The following ODAD2 variants were observed in gnomAD, a reference collection of about 807,000 sequenced individuals.
The protein encoded by ODAD2 is outer dynein arm docking complex subunit 2, also known as outer dynein arm-docking complex subunit 2.
In ODAD2, 89 loss-of-function variants were observed where a neutral mutation model predicts 106.8. The observed-to-expected ratio is 0.83, with a 90% CI of 0.70 to 0.99. The LOEUF (loss-of-function observed/expected upper bound fraction) is 0.99, where lower values mean the gene tolerates loss of function less well. Among genes scored for constraint, ODAD2 ranks in the 50% least tolerant of loss-of-function variants. The pLI is 0.00. For synonymous variants in ODAD2, 404 were observed against 436.2 expected (o/e 0.93, Z 0.92); for missense variants, 1,168 against 1,238.5 (o/e 0.94, Z 0.85).
chr10:27,818,919 A>G (rs1205466330), intron 19 of ODAD2, among the ~76,000 whole-genome samples: 1 of 152,176 alleles, frequency 6.6e-6, no homozygotes, highest in Non-Finnish European at 1.5e-5. Context: ...TTTTGAGGTC[A>G]CAGCATCTTG....
chr10:27,825,737 G>C (rs144474826), intron 19 of ODAD2, among the ~76,000 whole-genome samples: 1 of 152,320 alleles, frequency 6.6e-6, no homozygotes, highest in African/African-American at 2.4e-5. Flanking sequence ...GTTATCAGAA[G>C]CTGGAGATGT....
At chr10:27,951,776 T>C (rs567816280) in intron 10 of ODAD2, among the ~76,000 whole-genome samples, 2 of 150,558 alleles carry the variant, frequency 1.3e-5, no homozygotes. Context: ...TACAAAAGAG[T>C]AGACAAAAAG....
At chr10:27,969,472 A>C (rs529539142) in intron 8 of ODAD2, among the ~76,000 whole-genome samples, 1 of 152,428 alleles carries the variant, frequency 6.6e-6, no homozygotes, top group South Asian at 2.1e-4. Context: ...TGAAAGAGTA[A>C]GAATATGGAA....
At chr10:27,954,586 T>C (rs778787706) in intron 10 of ODAD2, among the ~76,000 whole-genome samples, 6 of 152,242 alleles carry the variant, frequency 3.9e-5, no homozygotes, top group Admixed American at 6.5e-5. Context: ...TTTCAGTCGT[T>C]AAGTTGATGT....
At chr10:27,907,067 C>A (rs1424088715) in intron 17 of ODAD2, among the ~76,000 whole-genome samples, 1 of 152,076 alleles carries the variant, frequency 6.6e-6, no homozygotes, top group East Asian at 1.9e-4. Context: ...TCTTAAAGGG[C>A]AATCTCTAAA....
intron 9 of ODAD2, among the ~76,000 whole-genome samples, chr10:27,965,506 C>T (rs1208416062): frequency 6.6e-6 from 1 of 152,106 alleles, no homozygotes; most frequent in Non-Finnish European, 1.5e-5. Flanking sequence ...TTCATTTGGG[C>T]TATTGCAGAG....
chr10:27,864,526 G>A (rs770956645), intron 17 of ODAD2, among the ~76,000 whole-genome samples: 6 of 146,744 alleles, frequency 4.1e-5, no homozygotes, highest in Non-Finnish European at 5.9e-5. Flanking sequence ...AGGTGAGAGC[G>A]GGGAGTGAGG....
rs1232320573 is a variant in ODAD2 at position 27,943,204 on chromosome 10, CA to C, written c.1743+1017del. Among the ~76,000 whole-genome samples, 5 of 152,124 alleles carry C rather than the reference CA, an allele frequency of 3.3e-5. No individual in the cohort carries two copies. In the East Asian group the frequency reaches 9.6e-4, roughly 29 times the overall value. The stretch of plus-strand genomic sequence containing the variant: ...TCCTAATGATGGCAAAGGTGGTAAG[CA>C]GGATTCTGGTATTTTTCTTTTGATG... On this transcript the variant is annotated intron_variant, in intron 12 of 19. Coordinates refer to ENST00000305242, the MANE Select transcript of ODAD2 (RefSeq NM_018076.5).
intron 16 of ODAD2, among the ~76,000 whole-genome samples, chr10:27,934,373 T>C (rs1460705784): frequency 6.6e-6 from 1 of 151,206 alleles, no homozygotes. Flanking sequence ...TAAAGATATA[T>C]ATCTTTATAA....
chr10:27,983,775 C>G lies in ODAD2; in HGVS notation c.819+68G>C, dbSNP rs545980016. On this transcript the variant is annotated intron_variant, in intron 6 of 19. Coordinates refer to ENST00000305242, the MANE Select transcript of ODAD2 (RefSeq NM_018076.5). ...ATTCTCTGTGGTCATTGGGACACAC[C>G]CTTGAGACATCTACAGCTAACAATC... The G allele has an allele frequency of 2.1e-6, 3 of 1,449,792 alleles. No individual in the cohort carries two copies. In the South Asian group the frequency reaches 3.6e-5, roughly 17 times the overall value. The allele number at this position is 1,449,792 out of a possible 1,614,324, so 89.8% of individuals were successfully genotyped here.
At chr10:27,883,478 A>C (rs2133592996) in intron 17 of ODAD2, among the ~76,000 whole-genome samples, 1 of 152,300 alleles carries the variant, frequency 6.6e-6, no homozygotes, top group South Asian at 2.1e-4. Context: ...TGCTTTTAAC[A>C]AAAAATGTGA....
chr10:27,929,934 G>A (rs1845499838), intron 16 of ODAD2, among the ~76,000 whole-genome samples: 1 of 152,064 alleles, frequency 6.6e-6, no homozygotes, highest in Non-Finnish European at 1.5e-5. Flanking sequence ...AAGACTCACA[G>A]CAAAGTTTTC....
intron 16 of ODAD2, among the ~76,000 whole-genome samples, chr10:27,924,048 G>GAAAGAAAGAAAGAAAGAA (rs1554810929): frequency 2.8e-4 from 36 of 126,912 alleles, no homozygotes; most frequent in South Asian, 7.6e-4. Flanking sequence ...AAGAAGGAAA[G>GAAAGAAAGAAAGAAAGAA]AGAAAGAAAG....
chr10:27,940,031 T>C (rs755324201), intron 13 of ODAD2, 24 bp from the exon 14 acceptor site: 1 of 1,516,770 alleles, frequency 6.6e-7, no homozygotes. Context: ...CCTACATATT[T>C]ATGTGTTCAA....
chr10:27,985,212 C>A lies in ODAD2; in HGVS notation c.383-1G>T, dbSNP rs373285703. On this transcript the variant is annotated splice_acceptor_variant, in intron 3 of 19. Transcript: ENST00000305242. LOFTEE classifies it high-confidence loss of function. ...ATTTTTACTATGGGGTCTCTGTTAGCTGCCAAAAAAAAAAAAAAGGAGACA... is the reference window on the plus strand; with the variant it reads ...ATTTTTACTATGGGGTCTCTGTTAGATGCCAAAAAAAAAAAAAAGGAGACA... 1.7e-5 allele frequency: 25 copies of A among 1,460,030 alleles called. No individual in the cohort carries two copies. The highest frequency in any genetic ancestry group is 2.1e-5 in the Non-Finnish European group (23 of 1,111,230). The allele number at this position is 1,460,030 out of a possible 1,614,324, so 90.4% of individuals were successfully genotyped here.
chr10:27,953,416 CTT>C (rs1847505674), intron 10 of ODAD2, among the ~76,000 whole-genome samples: 1 of 152,126 alleles, frequency 6.6e-6, no homozygotes, highest in African/African-American at 2.4e-5. Context: ...TGTGCATTCT[CTT>C]TGACTCAAGC....
chr10:27,944,871 A>G lies in ODAD2; in HGVS notation c.1478T>C (p.Val493Ala), dbSNP rs1286022982. The G allele has an allele frequency of 1.2e-6, 2 of 1,614,160 alleles. No individual in the cohort carries two copies. The highest frequency in any genetic ancestry group is 1.7e-6 in the Non-Finnish European group (2 of 1,180,006). Reference sequence around the variant, plus strand: ...ATTTATCAGCACTTCCAGGCCTCCAACATCTCTGATGGCCAACTGGCAGGT... The same window carrying G: ...ATTTATCAGCACTTCCAGGCCTCCAGCATCTCTGATGGCCAACTGGCAGGT... ...QETCQLAIRD[V>A]GGLEVLINLL... is the part of the protein sequence containing the mutation. The change falls in exon 11 of 20, where the codon GTT becomes GCT. Residue 493 changes from valine (V) to alanine (A), a missense_variant. Coordinates refer to ENST00000305242, the MANE Select transcript of ODAD2 (RefSeq NM_018076.5).
chr10:27,898,848 G>T (rs530508014), intron 17 of ODAD2, among the ~76,000 whole-genome samples: 2 of 151,940 alleles, frequency 1.3e-5, no homozygotes, highest in East Asian at 3.9e-4. Flanking sequence ...TTAATTTTTT[G>T]GCTGTGATAA....
chr10:27,853,018 T>C (rs538465665), intron 19 of ODAD2, among the ~76,000 whole-genome samples: 2 of 134,610 alleles, frequency 1.5e-5, no homozygotes, highest in East Asian at 2.1e-4. Flanking sequence ...TAAATGTAAA[T>C]AGTGTAACCA....
Sources: allele counts gnomAD v4.1 joint callset (sites outside exome capture counted in the v4.1 genomes callset), GRCh38; gene constraint gnomAD v4.1.1; transcripts MANE v1.5; gene names NCBI Gene and HGNC (gene_info 2026-07-23, HGNC 2026-07-21).